Variants in HS6ST2 observed in about 807,000 individuals in gnomAD.
HS6ST2 encodes the protein heparan-sulfate 6-O-sulfotransferase 2.
A neutral mutation model predicts 33.0 loss-of-function variants in HS6ST2; 17 were observed. The observed-to-expected ratio is 0.52, with a 90% CI of 0.35 to 0.77. HS6ST2 has a LOEUF of 0.77. HS6ST2 is among the 30% of genes least tolerant of loss of function. The probability of loss-of-function intolerance (pLI) is 0.01; values close to 1 mark genes in which losing one functional copy is unlikely to be tolerated. For synonymous variants in HS6ST2, 248 were observed against 237.1 expected (o/e 1.05, Z -0.42); for missense variants, 519 against 551.7 (o/e 0.94, Z 0.59).
chrX:132,691,704 A>G (rs1010750721), intron 3 of HS6ST2, among the ~76,000 whole-genome samples: 2 of 112,308 alleles, frequency 1.8e-5, no homozygotes, highest in Non-Finnish European at 3.8e-5. Context: ...CATCATTGAA[A>G]AGGCAACAAC....
chrX:132,631,855 G>T (rs1172392495), intron 4 of HS6ST2, among the ~76,000 whole-genome samples: 2 of 111,405 alleles, frequency 1.8e-5, no homozygotes, highest in East Asian at 5.7e-4. Context: ...CCTAAACATT[G>T]TTCCTAGCCT....
chrX:132,940,027 G>A (rs1455963626), intron 2 of HS6ST2, among the ~76,000 whole-genome samples: 1 of 111,953 alleles, frequency 8.9e-6, no homozygotes, highest in African/African-American at 3.2e-5. Flanking sequence ...TAAAAGATTC[G>A]CACTTCCTGC....
intron 2 of HS6ST2, among the ~76,000 whole-genome samples, chrX:132,912,424 C>A (rs186649370): frequency 9.8e-4 from 111 of 112,750 alleles, no homozygotes; most frequent in Middle Eastern, 4.6e-3. Flanking sequence ...CCATTCAATT[C>A]AACTCAATAC....
Position 132,784,996 on chromosome X carries a change from T to G in HS6ST2, c.948-76502A>C, listed in dbSNP as rs192210362. ...AAGTGGATATCCTTGTCCAGAGATA[T>G]GGACCCCTGAGTCACTTCAGATTGC... On this transcript the variant is annotated intron_variant, in intron 2 of 4. Transcript: ENST00000370833. 2.7e-5 allele frequency among the ~76,000 whole-genome samples: 3 copies of G among 111,948 alleles called. No individual in the cohort carries two copies. In the South Asian group the frequency reaches 1.1e-3, roughly 42 times the overall value.
At chrX:132,859,741 C>T (rs1310566934) in intron 2 of HS6ST2, among the ~76,000 whole-genome samples, 31 of 57,779 alleles carry the variant, frequency 5.4e-4, no homozygotes, top group Non-Finnish European at 7.8e-4. Flanking sequence ...AGGGAGGGAG[C>T]GAGAAAGAAA....
chrX:132,777,598 ATTT>A (rs34555257), intron 2 of HS6ST2, among the ~76,000 whole-genome samples: 8 of 80,017 alleles, frequency 1.0e-4, no homozygotes, highest in Admixed American at 1.5e-4. Context: ...CACCCGGCTA[ATTT>A]TTTTTTTTTT....
intron 2 of HS6ST2, among the ~76,000 whole-genome samples, chrX:132,895,583 C>T (rs893087512): frequency 9.0e-6 from 1 of 111,303 alleles, no homozygotes; most frequent in Non-Finnish European, 1.9e-5. Context: ...GTGCTTTATG[C>T]GTGTCAGGCA....
At chrX:132,665,583 C>T (rs185056990) in intron 4 of HS6ST2, among the ~76,000 whole-genome samples, 186 of 111,609 alleles carry the variant, frequency 1.7e-3, no homozygotes, top group Middle Eastern at 4.6e-3. Flanking sequence ...TCCAATGGGT[C>T]AGCAAATGGA....
intron 2 of HS6ST2, among the ~76,000 whole-genome samples, chrX:132,777,008 C>T (rs987441447): frequency 1.9e-5 from 2 of 106,674 alleles, no homozygotes; most frequent in East Asian, 5.8e-4. Context: ...CAGTAGGAGG[C>T]GATTTTGCAT....
chrX:132,674,495 A>T (rs1441112030), intron 3 of HS6ST2, among the ~76,000 whole-genome samples: 1 of 111,405 alleles, frequency 9.0e-6, no homozygotes, highest in Non-Finnish European at 1.9e-5. Flanking sequence ...CATTCCATTA[A>T]CTTTTCACTC....
chrX:132,759,461 G>T (rs1306961974), intron 2 of HS6ST2, among the ~76,000 whole-genome samples: 1 of 110,902 alleles, frequency 9.0e-6, no homozygotes, highest in Non-Finnish European at 1.9e-5. Flanking sequence ...CAGATTTATG[G>T]AATGGCATAT....
At chrX:132,646,276 C>T (rs2063640980) in intron 4 of HS6ST2, among the ~76,000 whole-genome samples, 1 of 111,080 alleles carries the variant, frequency 9.0e-6, no homozygotes, top group Non-Finnish European at 1.9e-5. Context: ...AAGAATCTGC[C>T]TCCTGTGCGT....
At chrX:132,774,486 T>G (rs984308712) in intron 2 of HS6ST2, among the ~76,000 whole-genome samples, 1 of 111,857 alleles carries the variant, frequency 8.9e-6, no homozygotes, top group African/African-American at 3.2e-5. Flanking sequence ...ACCTTATCTA[T>G]CTGGGGAAAG....
chrX:132,672,145 ACTGT>A (rs1057281539), intron 3 of HS6ST2, among the ~76,000 whole-genome samples: 7 of 111,614 alleles, frequency 6.3e-5, no homozygotes, highest in Non-Finnish European at 9.4e-5. Context: ...GCAGCTGCAG[ACTGT>A]CTGGGAACTT....
At chrX:132,795,892 C>G (rs1203291320) in intron 2 of HS6ST2, among the ~76,000 whole-genome samples, 2 of 111,872 alleles carry the variant, frequency 1.8e-5, no homozygotes, top group Admixed American at 1.9e-4. Flanking sequence ...TACAGGCATG[C>G]ACTACCGCAC....
chrX:132,828,289 G>A (rs2065545645), intron 2 of HS6ST2, among the ~76,000 whole-genome samples: 1 of 110,727 alleles, frequency 9.0e-6, no homozygotes, highest in African/African-American at 3.3e-5. Context: ...CAGAACAGAT[G>A]GTAGTGGTTT....
At chrX:132,726,127 A>G (rs945922153) in intron 2 of HS6ST2, among the ~76,000 whole-genome samples, 1 of 99,876 alleles carries the variant, frequency 1.0e-5, no homozygotes, top group African/African-American at 3.8e-5. Flanking sequence ...TATAGTCAAT[A>G]ATAATTTAAT....
At chrX:132,903,199 C>T (rs778154383) in intron 2 of HS6ST2, among the ~76,000 whole-genome samples, 1 of 111,315 alleles carries the variant, frequency 9.0e-6, no homozygotes, top group African/African-American at 3.3e-5. Context: ...TTTACAATAG[C>T]ATCGCTAGAA....
intron 2 of HS6ST2, among the ~76,000 whole-genome samples, chrX:132,832,680 G>A (rs752152273): frequency 1.7e-4 from 19 of 111,465 alleles, no homozygotes; most frequent in Non-Finnish European, 3.4e-4. Context: ...ATTTTAAAAT[G>A]TGAAAAAATA....
Sources: allele counts gnomAD v4.1 joint callset (sites outside exome capture counted in the v4.1 genomes callset), GRCh38; gene constraint gnomAD v4.1.1; transcripts MANE v1.5; gene names NCBI Gene and HGNC (gene_info 2026-07-23, HGNC 2026-07-21).